SDCCAG8: variants seen among roughly 807,000 people sequenced by gnomAD.
SDCCAG8 encodes the protein SHH signaling and ciliogenesis regulator SDCCAG8.
SDCCAG8 carries 74 observed loss-of-function variants against 101.8 expected under a neutral mutation model. The ratio of observed to expected loss-of-function variants is 0.73; its 90% CI spans 0.60 to 0.88. The LOEUF is 0.88. Among genes scored for constraint, SDCCAG8 ranks in the 40% least tolerant of loss-of-function variants. The probability of loss-of-function intolerance (pLI) is 0.00; values close to 1 mark genes in which losing one functional copy is unlikely to be tolerated. For missense variants in SDCCAG8, 787 were observed against 822.6 expected (o/e 0.96, Z 0.53); for synonymous variants, 281 against 292.9 (o/e 0.96, Z 0.41).
rs759634630 is a variant in SDCCAG8, at chr1:243,274,567, A to G, written c.331A>G (p.Asn111Asp). Residue 111 changes from asparagine to aspartate, a missense_variant, in exon 4 of 18, where the codon AAT becomes GAT. Coordinates refer to ENST00000366541, the MANE Select transcript of SDCCAG8 (RefSeq NM_006642.5). ...PLRSLEHEETNMPTMHDLVHT... is the reference protein window; with the variant it reads ...PLRSLEHEETDMPTMHDLVHT... ...GAGGTCATTAGAACATGAGGAAACC[A>G]ATATGCCTACTATGCACGACCTTGT... is the stretch of plus-strand genomic sequence containing the variant. The G allele has an allele frequency of 3.1e-6, 5 of 1,603,884 alleles. No individual in the cohort carries two copies. The highest frequency in any genetic ancestry group is 3.3e-5 in the Admixed American group (2 of 59,994).
intron 16 of SDCCAG8, among the ~76,000 whole-genome samples, chr1:243,427,998 C>T (rs1030767016): frequency 1.3e-5 from 2 of 152,332 alleles, no homozygotes; most frequent in East Asian, 1.9e-4. Context: ...CCATTCTTAG[C>T]TAGAGGACCA....
intron 16 of SDCCAG8, among the ~76,000 whole-genome samples, chr1:243,471,654 C>T (rs1205923429): frequency 6.6e-6 from 1 of 152,060 alleles, no homozygotes; most frequent in Non-Finnish European, 1.5e-5. Context: ...CATCAGAATT[C>T]CCAGAAGCCT....
chr1:243,337,754 C>A (rs2636320), intron 10 of SDCCAG8, among the ~76,000 whole-genome samples: 71,052 of 151,608 alleles, frequency 0.47, 18,449 homozygotes, highest in East Asian at 0.74. Flanking sequence ...ACGGAGCCTT[C>A]TTGGATAGAT....
intron 16 of SDCCAG8, among the ~76,000 whole-genome samples, chr1:243,456,442 G>A (rs763972928): frequency 6.6e-6 from 1 of 152,168 alleles, no homozygotes; most frequent in Non-Finnish European, 1.5e-5. Context: ...ATTTGGAGAT[G>A]TAGTGGCAGA....
intron 16 of SDCCAG8, among the ~76,000 whole-genome samples, chr1:243,486,473 C>T (rs898948593): frequency 2.0e-5 from 3 of 152,162 alleles, no homozygotes; most frequent in African/African-American, 7.2e-5. Context: ...CTTCCTCCTT[C>T]CCACCCCAGT....
rs140620304 is a variant in SDCCAG8, at chr1:243,321,706, G to A, written c.1068+4813G>A. Reference sequence around the variant, plus strand: ...GTTCTGTTGCCCAAGCTGGAGTGCAGTGGTGTGATCTTGGTTCACTGTAAC... The same window carrying A: ...GTTCTGTTGCCCAAGCTGGAGTGCAATGGTGTGATCTTGGTTCACTGTAAC... On this transcript the variant is annotated intron_variant, in intron 9 of 17. Coordinates refer to ENST00000366541, the MANE Select transcript of SDCCAG8 (RefSeq NM_006642.5). Among the ~76,000 whole-genome samples, 78 of 152,244 alleles carry A rather than the reference G, an allele frequency of 5.1e-4. No homozygotes were observed. The East Asian group carries it at 0.011, about 22-fold the overall frequency.
intron 9 of SDCCAG8, among the ~76,000 whole-genome samples, chr1:243,327,362 A>T (rs1051812846): frequency 1.1e-4 from 16 of 144,662 alleles, no homozygotes; most frequent in African/African-American, 3.8e-4. Flanking sequence ...AATTATAATT[A>T]TAATTTTATA....
intron 1 of SDCCAG8, chr1:243,268,175 T>C: frequency 1.8e-6 from 1 of 564,806 alleles, no homozygotes. Flanking sequence ...TGCTTTTACC[T>C]GGAATACATT....
intron 17 of SDCCAG8, among the ~76,000 whole-genome samples, chr1:243,490,900 C>A (rs549527902): frequency 6.6e-6 from 1 of 152,372 alleles, no homozygotes; most frequent in East Asian, 1.9e-4. Context: ...GCAGCACCTG[C>A]TTTAGGCCTG....
intron 12 of SDCCAG8, among the ~76,000 whole-genome samples, chr1:243,348,042 T>TC (rs1223788265): frequency 2.1e-5 from 3 of 145,716 alleles, no homozygotes; most frequent in Non-Finnish European, 3.0e-5. Flanking sequence ...TTTTTCTTTT[T>TC]TTTTTTTTTT....
chr1:243,455,192 T>C (rs2083648958), intron 16 of SDCCAG8, among the ~76,000 whole-genome samples: 1 of 152,204 alleles, frequency 6.6e-6, no homozygotes, highest in Admixed American at 6.5e-5. Context: ...CTAGGGAATT[T>C]TGAAGTTTTA....
chr1:243,350,389 T>C (rs767388258), intron 12 of SDCCAG8, among the ~76,000 whole-genome samples: 6 of 152,068 alleles, frequency 3.9e-5, no homozygotes, highest in Non-Finnish European at 7.4e-5. Flanking sequence ...GTTGTTGTTG[T>C]TGTTTTTTAG....
At chr1:243,495,452 G>A (rs1419205343) in intron 17 of SDCCAG8, among the ~76,000 whole-genome samples, 1 of 152,214 alleles carries the variant, frequency 6.6e-6, no homozygotes, top group African/African-American at 2.4e-5. Context: ...GCGGTGTGGA[G>A]GCTGTTATCA....
intron 12 of SDCCAG8, among the ~76,000 whole-genome samples, chr1:243,371,284 C>T (rs2077273754): frequency 6.6e-6 from 1 of 151,982 alleles, no homozygotes; most frequent in African/African-American, 2.4e-5. Context: ...TTTAGGGAGA[C>T]AATATGGTGT....
At chr1:243,346,018 G>A (rs2075682684) in intron 12 of SDCCAG8, among the ~76,000 whole-genome samples, 1 of 152,204 alleles carries the variant, frequency 6.6e-6, no homozygotes, top group Non-Finnish European at 1.5e-5. Flanking sequence ...GTTACAAGAT[G>A]TTTGTGATGT....
chr1:243,389,574 T>G (rs2078569626), intron 13 of SDCCAG8, among the ~76,000 whole-genome samples: 1 of 152,214 alleles, frequency 6.6e-6, no homozygotes, highest in Non-Finnish European at 1.5e-5. Flanking sequence ...TCAATGAGCT[T>G]TTTTTGGGGG....
chr1:243,473,116 A>G (rs1440713092), intron 16 of SDCCAG8, among the ~76,000 whole-genome samples: 3 of 152,114 alleles, frequency 2.0e-5, no homozygotes, highest in African/African-American at 7.2e-5. Context: ...GTCTGTAGAA[A>G]GCATAATTTT....
In SDCCAG8 at chr1:243,375,178, G is replaced by A. The variant is rs7521188; in HGVS notation, c.1474-3543G>A. Among the ~76,000 whole-genome samples the A allele has an allele frequency of 9.4e-3, 1,437 of 152,066 alleles. 26 individuals are homozygous for A. Among genetic ancestry groups the A allele is most frequent in the African/African-American group, 0.032 (1,333 of 41,490 alleles). ...GACCTAAATTGTCACCCTTCTTCACGTAAGAAAGGTCTAATATTGAAAACT... is the reference window on the plus strand; with the variant it reads ...GACCTAAATTGTCACCCTTCTTCACATAAGAAAGGTCTAATATTGAAAACT... On this transcript the variant is annotated intron_variant, in intron 12 of 17. Coordinates refer to ENST00000366541, the MANE Select transcript of SDCCAG8 (RefSeq NM_006642.5).
intron 4 of SDCCAG8, among the ~76,000 whole-genome samples, chr1:243,285,093 G>T (rs1471149703): frequency 6.6e-6 from 1 of 152,146 alleles, no homozygotes; most frequent in Non-Finnish European, 1.5e-5. Flanking sequence ...GTATTGGCCA[G>T]GCTGGTCTTG....
Sources: gnomAD v4.1 joint callset for allele counts (sites outside exome capture counted in the v4.1 genomes callset) on GRCh38, gnomAD v4.1.1 for gene constraint, MANE v1.5 for transcripts, NCBI Gene and HGNC (gene_info 2026-07-23, HGNC 2026-07-21) for gene names.